The following DEPTOR variants were observed in gnomAD, a reference collection of about 807,000 sequenced individuals.
DEPTOR encodes DEP domain-containing mTOR-interacting protein.
DEPTOR carries 41 observed loss-of-function variants against 41.6 expected under a neutral mutation model. That is an observed-to-expected ratio of 0.98 (90% CI 0.77 to 1.28). The LOEUF (loss-of-function observed/expected upper bound fraction) is 1.28, where lower values mean the gene tolerates loss of function less well. DEPTOR is among the 50% of genes most tolerant of loss of function. The probability of loss-of-function intolerance (pLI) is 0.00; values close to 1 mark genes in which losing one functional copy is unlikely to be tolerated. For synonymous variants in DEPTOR, 195 were observed against 192.3 expected, an observed-to-expected ratio of 1.01 and a Z score of -0.12; for missense variants, 514 against 527.9, an observed-to-expected ratio of 0.97 and a Z score of 0.26.
chr8:119,910,586 G>C (rs1455532698), intron 1 of DEPTOR, among the ~76,000 whole-genome samples: 1 of 151,948 alleles, frequency 6.6e-6, no homozygotes, highest in Non-Finnish European at 1.5e-5. Context: ...CCTAGTAGCT[G>C]AGATTATAGG....
chr8:119,908,214 G>A (rs371795793), intron 1 of DEPTOR, among the ~76,000 whole-genome samples: 1 of 152,120 alleles, frequency 6.6e-6, no homozygotes, highest in Non-Finnish European at 1.5e-5. Context: ...GGGCATGGAA[G>A]CTCTGTGTCC....
chr8:119,977,211 C>G (rs1229001634), intron 4 of DEPTOR, among the ~76,000 whole-genome samples: 4 of 152,134 alleles, frequency 2.6e-5, no homozygotes. Flanking sequence ...CCATGTTGGC[C>G]AGGCTGGTCT....
rs547164164 is a variant in DEPTOR at position 119,972,692 on chromosome 8, A to T, written c.604+7282A>T. On this transcript the variant is annotated intron_variant, in intron 4 of 8. Transcript: ENST00000286234. ...CTAGTGAGTGGTAGATTCAAGATTC[A>T]AATCAAGACAGTCTAGCTTCAGAGC... 2.2e-3 allele frequency among the ~76,000 whole-genome samples: 335 copies of T among 152,036 alleles called. 1 individual carries two copies. The highest frequency in any genetic ancestry group is 4.0e-3 in the Non-Finnish European group (272 of 68,002).
At chr8:119,966,145 T>C (rs537882191) in intron 4 of DEPTOR, among the ~76,000 whole-genome samples, 2 of 152,192 alleles carry the variant, frequency 1.3e-5, no homozygotes, top group Non-Finnish European at 2.9e-5. Context: ...GTATCTGACC[T>C]ACGTTGGTTA....
At chr8:119,982,949 G>A (rs879639551) in intron 4 of DEPTOR, among the ~76,000 whole-genome samples, 1 of 152,166 alleles carries the variant, frequency 6.6e-6, no homozygotes, top group Non-Finnish European at 1.5e-5. Context: ...TTCTTAAGGA[G>A]GAAGAAAGAG....
At chr8:119,931,534 A>G (rs115120899) in intron 3 of DEPTOR, among the ~76,000 whole-genome samples, 67 of 152,318 alleles carry the variant, frequency 4.4e-4, no homozygotes, top group African/African-American at 1.6e-3. Flanking sequence ...AAATACGAGC[A>G]CAGTACTGAC....
chr8:119,896,987 A>G (rs1009691038), intron 1 of DEPTOR, among the ~76,000 whole-genome samples: 5 of 152,184 alleles, frequency 3.3e-5, no homozygotes, highest in African/African-American at 1.2e-4. Context: ...TACTTATACT[A>G]TTATGTACGC....
chr8:120,049,872 CG>C lies in DEPTOR; in HGVS notation c.*171del. On this transcript the variant is annotated 3_prime_UTR_variant, in exon 9 of 9. Transcript: ENST00000286234. ...TTTTATACACTGAATGTGGAAGAAC[CG>C]GGTATCATATCTTTTTTAAAAAATG... The C allele has an allele frequency of 1.4e-6, 1 of 706,598 alleles. No homozygotes were observed. The allele number at this position is 706,598 out of a possible 1,614,324, so 43.8% of individuals were successfully genotyped here. A position where few individuals can be genotyped will look rare whatever the true frequency, so the allele number is the denominator to read the frequency against.
intron 4 of DEPTOR, among the ~76,000 whole-genome samples, chr8:119,995,958 ACT>A: frequency 6.6e-6 from 1 of 152,338 alleles, no homozygotes; most frequent in Admixed American, 6.5e-5. Context: ...AATGTGTGAA[ACT>A]CAATGTTTAT....
chr8:119,874,242 G>C, intron 1 of DEPTOR: 1 of 464,650 alleles, frequency 2.2e-6, no homozygotes, highest in Admixed American at 4.7e-5. Context: ...TCCTGTGCCG[G>C]GCAAAGTCCC....
At chr8:119,959,108 T>C (rs1253886182) in intron 3 of DEPTOR, among the ~76,000 whole-genome samples, 1 of 152,058 alleles carries the variant, frequency 6.6e-6, no homozygotes, top group African/African-American at 2.4e-5. Flanking sequence ...TTACTAACTT[T>C]GGGAAAGAAG....
In DEPTOR at chr8:119,974,489, A is replaced by T. The variant is rs148112933; in HGVS notation, c.604+9079A>T. On this transcript the variant is annotated intron_variant, in intron 4 of 8. Transcript: ENST00000286234. ...AGGATAGATCTCAAAAGAGTAGTTC[A>T]GGCCAGGCGTGGTGGCTCACACCTG... Among the ~76,000 whole-genome samples the T allele has an allele frequency of 4.2e-4, 64 of 151,794 alleles. 1 individual carries two copies. The highest frequency in any genetic ancestry group is 1.5e-3 in the African/African-American group (62 of 41,428).
At chr8:120,022,157 T>TTAAAAAAAAAAAAA (rs1812728065) in intron 8 of DEPTOR, among the ~76,000 whole-genome samples, 1 of 93,726 alleles carries the variant, frequency 1.1e-5, no homozygotes, top group Admixed American at 1.2e-4. Context: ...GACCCCATCT[T>TTAAAAAAAAAAAAA]AAAAAAAAAA....
chr8:119,919,666 G>A (rs1291372400), intron 1 of DEPTOR, among the ~76,000 whole-genome samples: 1 of 152,188 alleles, frequency 6.6e-6, no homozygotes, highest in African/African-American at 2.4e-5. Flanking sequence ...ATCTGGAAAG[G>A]AGGAGAGCTG....
At chr8:119,896,777 C>T (rs566789295) in intron 1 of DEPTOR, among the ~76,000 whole-genome samples, 130 of 152,232 alleles carry the variant, frequency 8.5e-4, no homozygotes, top group African/African-American at 3.0e-3. Flanking sequence ...GGATTACAGG[C>T]GTGAACCACC....
At position 120,015,438 on chromosome 8, in the gene DEPTOR, T is replaced by A. The variant is rs58540379; in HGVS notation, c.1101+6305T>A. Among the ~76,000 whole-genome samples the A allele has an allele frequency of 2.9e-3, 437 of 152,308 alleles. 3 individuals are homozygous for A. The highest frequency in any genetic ancestry group is 0.01 in the African/African-American group (419 of 41,568). ...GAATTGATGGCTTAAATGACAAACATTTGTTTGGGAAGTCCAAGATGAAGG... is the reference window on the plus strand; with the variant it reads ...GAATTGATGGCTTAAATGACAAACAATTGTTTGGGAAGTCCAAGATGAAGG... On this transcript the variant is annotated intron_variant, in intron 8 of 8. Transcript: ENST00000286234.
At chr8:119,925,219 G>A (rs147386543) in intron 1 of DEPTOR, among the ~76,000 whole-genome samples, 2 of 152,084 alleles carry the variant, frequency 1.3e-5, no homozygotes, top group African/African-American at 4.8e-5. Context: ...GTGAAACCCC[G>A]TCTCTACTAA....
intron 1 of DEPTOR, among the ~76,000 whole-genome samples, chr8:119,900,255 G>T (rs1444821242): frequency 6.8e-6 from 1 of 147,842 alleles, no homozygotes; most frequent in Non-Finnish European, 1.5e-5. Flanking sequence ...GGGAGGTGGA[G>T]GTTGCAGTGA....
chr8:119,982,735 A>G (rs1586643868), intron 4 of DEPTOR, among the ~76,000 whole-genome samples: 1 of 152,182 alleles, frequency 6.6e-6, no homozygotes. Context: ...CACTCTGGGC[A>G]GGAAGAACAG....
Sources: allele counts gnomAD v4.1 joint callset (sites outside exome capture counted in the v4.1 genomes callset), GRCh38; gene constraint gnomAD v4.1.1; transcripts MANE v1.5; gene names NCBI Gene and HGNC (gene_info 2026-07-23, HGNC 2026-07-21).